The following ZNF638 variants were observed in gnomAD, a reference collection of about 807,000 sequenced individuals.
ZNF638 encodes zinc finger protein 638.
ZNF638 carries 46 observed loss-of-function variants against 195.6 expected under a neutral mutation model. The ratio of observed to expected loss-of-function variants is 0.24; its 90% CI spans 0.19 to 0.30. The LOEUF is 0.30. Among genes scored for constraint, ZNF638 ranks in the 10% least tolerant of loss-of-function variants. The probability of loss-of-function intolerance (pLI) is 1.00; values close to 1 mark genes in which losing one functional copy is unlikely to be tolerated. For synonymous variants in ZNF638, 845 were observed against 772.0 expected (o/e 1.09, Z -1.57); for missense variants, 2,440 against 2,325.3 (o/e 1.05, Z -1.01).
In ZNF638 at chr2:71,395,275, C is replaced by A. The variant is rs540723630; in HGVS notation, c.2378-866C>A. ...GCAAAGCCGGAATACGAGCAGTAAT[C>A]GCTACGCCTGACAAACCTGCTGCTG... On this transcript the variant is annotated intron_variant, in intron 10 of 27. Coordinates refer to ENST00000264447, the MANE Select transcript of ZNF638 (RefSeq NM_014497.5). The A allele has an allele frequency of 4.2e-6, 3 of 717,274 alleles. No individual in the cohort carries two copies. The Admixed American group carries it at 6.0e-5, about 14-fold the overall frequency. 44.4% of individuals were successfully genotyped at this position (717,274 alleles called of 1,614,324 possible).
intron 23 of ZNF638, 49 bp from the exon 24 acceptor site, chr2:71,426,411 C>T (rs2080540431): frequency 1.5e-6 from 2 of 1,332,194 alleles, no homozygotes; most frequent in Non-Finnish European, 2.1e-6. Flanking sequence ...GGAATCTAGC[C>T]AGTGGTCAAA....
At chr2:71,342,949 T>C (rs1057195094) in intron 1 of ZNF638, among the ~76,000 whole-genome samples, 1 of 152,242 alleles carries the variant, frequency 6.6e-6, no homozygotes, top group Non-Finnish European at 1.5e-5. Flanking sequence ...CTTTTTATCA[T>C]TTCCAGTACA....
At chr2:71,411,255 T>C (rs7578990) in intron 20 of ZNF638, among the ~76,000 whole-genome samples, 135,623 of 150,508 alleles carry the variant, frequency 0.9, 61,181 homozygotes, top group East Asian at 0.99. Context: ...GCCTCAGCCT[T>C]CCAAAGTGCT....
At chr2:71,369,075 C>T (rs115050671) in intron 7 of ZNF638, among the ~76,000 whole-genome samples, 3,377 of 152,222 alleles carry the variant, frequency 0.022, 50 homozygotes, top group African/African-American at 0.042. Context: ...TGGCTTGTGC[C>T]TGTAATCGCA....
Position 71,405,638 on chromosome 2 carries a change from C to A in ZNF638, c.2996C>A (p.Pro999Gln). ...IFITLVKEND[P>Q]EANIDTIYDR... is the part of the protein sequence containing the mutation. ...ATAACCTTGGTAAAAGAAAATGACCCAGAGGTAAGTTTTGCATTTAAATGC... is the reference window on the plus strand; with the variant it reads ...ATAACCTTGGTAAAAGAAAATGACCAAGAGGTAAGTTTTGCATTTAAATGC... The change falls in exon 18 of 28, where the codon CCA becomes CAA. Residue 999 changes from proline (P) to glutamine (Q), a missense_variant. Physicochemically the swap from Pro to Gln is moderately conservative, Grantham distance 76 (BLOSUM62 -1). Around this residue, in one of 5 missense-constraint regions of ZNF638, gnomAD observed 1,883 missense variants for 1,739.1 expected, o/e 1.08. Coordinates refer to ENST00000264447, the MANE Select transcript of ZNF638 (RefSeq NM_014497.5). 1 of 1,562,240 alleles carries A rather than the reference C, an allele frequency of 6.4e-7. No individual in the cohort carries two copies. Among genetic ancestry groups the A allele is most frequent in the African/African-American group, 1.4e-5 (1 of 72,588 alleles).
chr2:71,359,102 C>A (rs908874428), intron 3 of ZNF638, among the ~76,000 whole-genome samples: 1 of 152,102 alleles, frequency 6.6e-6, no homozygotes, highest in Non-Finnish European at 1.5e-5. Flanking sequence ...AGAACTGAAT[C>A]TACAGTATCT....
At chr2:71,388,424 A>G (rs75284514) in intron 10 of ZNF638, 2 of 679,892 alleles carry the variant, frequency 2.9e-6, no homozygotes, top group African/African-American at 1.8e-5. Flanking sequence ...ACTGCTCCCT[A>G]CAGGCGGGGG....
chr2:71,331,977 T>C, intron 1 of ZNF638, 102 bp downstream of exon 1: 1 of 966,280 alleles, frequency 1.0e-6, no homozygotes, highest in South Asian at 4.8e-5. Context: ...CTATTGTATC[T>C]GTGTCGCAGC....
rs183868400 is a variant in ZNF638, at chr2:71,334,243, T to A, written c.-203+2368T>A. Reference sequence around the variant, plus strand: ...TCATGCTCTTTCCACTGTACCTTAATGTATACTGATTAAGGTTTGGACTAA... The same window carrying A: ...TCATGCTCTTTCCACTGTACCTTAAAGTATACTGATTAAGGTTTGGACTAA... On this transcript the variant is annotated intron_variant, in intron 1 of 27. Coordinates refer to ENST00000264447, the MANE Select transcript of ZNF638 (RefSeq NM_014497.5). Among the ~76,000 whole-genome samples the A allele has an allele frequency of 3.0e-3, 458 of 152,326 alleles. 2 individuals are homozygous for A. The highest frequency in any genetic ancestry group is 0.011 in the African/African-American group (442 of 41,572).
At chr2:71,395,600 G>A (rs908144798) in intron 10 of ZNF638, 47 of 581,908 alleles carry the variant, frequency 8.1e-5, no homozygotes, top group African/African-American at 1.8e-4. Context: ...CTCCCAAGGC[G>A]GTGGGGGTGA....
At chr2:71,363,069 C>A in intron 3 of ZNF638, 84 bp from the exon 4 acceptor site, 2 of 970,414 alleles carry the variant, frequency 2.1e-6, no homozygotes, top group Admixed American at 2.3e-5. Context: ...GTGAAAAGTC[C>A]TTTTGATATA....
chr2:71,376,423 G>A (rs1331388737), intron 8 of ZNF638: 1 of 150,646 alleles, frequency 6.6e-6, no homozygotes, highest in Non-Finnish European at 1.5e-5. Context: ...GTTTTGTTTT[G>A]TAAATAAGTG....
chr2:71,425,636 A>C (rs2080524151), intron 23 of ZNF638, among the ~76,000 whole-genome samples: 1 of 152,140 alleles, frequency 6.6e-6, no homozygotes, highest in African/African-American at 2.4e-5. Context: ...TTTTTCATAC[A>C]ACTTTCTCAA....
At chr2:71,357,582 C>G (rs1294332649) in intron 3 of ZNF638, among the ~76,000 whole-genome samples, 1 of 152,130 alleles carries the variant, frequency 6.6e-6, no homozygotes, top group Non-Finnish European at 1.5e-5. Flanking sequence ...GAGAGTCATT[C>G]ATGCTAGTAA....
chr2:71,406,084 C>T, intron 18 of ZNF638, 44 bp from the exon 19 acceptor site: 2 of 1,606,890 alleles, frequency 1.2e-6, no homozygotes, highest in Non-Finnish European at 1.7e-6. Flanking sequence ...CCGTTTGTTG[C>T]TTCAGCTGTG....
chr2:71,411,813 T>G (rs1265259490), intron 20 of ZNF638, among the ~76,000 whole-genome samples: 2 of 41,906 alleles, frequency 4.8e-5, no homozygotes, highest in Non-Finnish European at 9.4e-5. Flanking sequence ...ACTCATCATT[T>G]TTTATGGCTG....
At chr2:71,432,351 C>T (rs1241421190) in intron 26 of ZNF638, among the ~76,000 whole-genome samples, 1 of 152,158 alleles carries the variant, frequency 6.6e-6, no homozygotes, top group Non-Finnish European at 1.5e-5. Context: ...CAGGCGTCTA[C>T]CACCACACCT....
chr2:71,395,099 C>T lies in ZNF638; in HGVS notation c.2378-1042C>T, dbSNP rs936899061. On this transcript the variant is annotated intron_variant, in intron 10 of 27. Coordinates refer to ENST00000264447, the MANE Select transcript of ZNF638 (RefSeq NM_014497.5). ...AACTTAAAACTAAAATTCTAGAATCCCTAAACGCCATAGATCTACATGTCC... is the reference window on the plus strand; with the variant it reads ...AACTTAAAACTAAAATTCTAGAATCTCTAAACGCCATAGATCTACATGTCC... 8.3e-6 allele frequency: 5 copies of T among 603,962 alleles called. No homozygotes were observed. The African/African-American group carries it at 9.3e-5, about 11-fold the overall frequency. 37.4% of individuals were successfully genotyped at this position (603,962 alleles called of 1,614,324 possible).
chr2:71,363,226 G>T (rs1351288793), intron 4 of ZNF638, 35 bp downstream of exon 4: 1 of 1,440,822 alleles, frequency 6.9e-7, no homozygotes, highest in Admixed American at 2.0e-5. Context: ...ATTAAAACCT[G>T]ATTGTCTTTT....
Sources: allele counts gnomAD v4.1 joint callset (sites outside exome capture counted in the v4.1 genomes callset), GRCh38; gene constraint gnomAD v4.1.1; regional missense constraint gnomAD v4.1.1; transcripts MANE v1.5; gene names NCBI Gene and HGNC (gene_info 2026-07-23, HGNC 2026-07-21).